RASAL2: variants seen among roughly 807,000 people sequenced by gnomAD.
The protein encoded by RASAL2 is ras GTPase-activating protein nGAP.
A neutral mutation model predicts 128.9 loss-of-function variants in RASAL2; 58 were observed. The ratio of observed to expected loss-of-function variants is 0.45; its 90% CI spans 0.36 to 0.56. The LOEUF is 0.56. Ranked by LOEUF, RASAL2 falls within the 20% of genes least tolerant of loss-of-function variation. The pLI is 0.00. For synonymous variants in RASAL2, 561 were observed against 580.8 expected (o/e 0.97, Z 0.49); for missense variants, 1,360 against 1,601.6 (o/e 0.85, Z 2.57).
intron 3 of RASAL2, among the ~76,000 whole-genome samples, chr1:178,381,700 C>A (rs1255627093): frequency 2.0e-5 from 3 of 151,678 alleles, no homozygotes; most frequent in African/African-American, 7.3e-5. Flanking sequence ...CACTGACTAC[C>A]AAAATGATGG....
intron 1 of RASAL2, among the ~76,000 whole-genome samples, chr1:178,240,006 A>G (rs2102048129): frequency 6.6e-6 from 1 of 152,182 alleles, no homozygotes; most frequent in East Asian, 1.9e-4. Context: ...TTAGCCTATA[A>G]TAAAACATAA....
intron 17 of RASAL2, chr1:178,470,835 G>A: frequency 1.1e-6 from 1 of 869,576 alleles, no homozygotes; most frequent in South Asian, 1.4e-5. Flanking sequence ...AATCCTTCCT[G>A]TCAGGTGTGG....
intron 1 of RASAL2, among the ~76,000 whole-genome samples, chr1:178,266,705 G>C (rs914047593): frequency 6.6e-6 from 1 of 152,204 alleles, no homozygotes; most frequent in South Asian, 2.1e-4. Flanking sequence ...AAACCAGCCA[G>C]GTATATGAAG....
chr1:178,218,116 T>A (rs942914275), intron 1 of RASAL2, among the ~76,000 whole-genome samples: 3 of 151,970 alleles, frequency 2.0e-5, no homozygotes, highest in Admixed American at 1.3e-4. Flanking sequence ...CACTCCTAAT[T>A]CCTATTCTCT....
chr1:178,403,693 A>T lies in RASAL2; in HGVS notation c.564+13487A>T, dbSNP rs1443149305. On this transcript the variant is annotated intron_variant, in intron 4 of 17. Coordinates refer to ENST00000367649, the MANE Select transcript of RASAL2 (RefSeq NM_170692.4). Reference sequence around the variant, plus strand: ...AGAGTAAACTCCAAATGGATTAGGGATCTAAAATGTGAAAAAAAAGCATAC... The same window carrying T: ...AGAGTAAACTCCAAATGGATTAGGGTTCTAAAATGTGAAAAAAAAGCATAC... Among the ~76,000 whole-genome samples, 3 of 152,092 alleles carry T rather than the reference A, an allele frequency of 2.0e-5. No homozygotes were observed. In the East Asian group the frequency reaches 5.8e-4, roughly 29 times the overall value.
intron 1 of RASAL2, among the ~76,000 whole-genome samples, chr1:178,246,244 G>C (rs530487099): frequency 2.0e-5 from 3 of 152,054 alleles, no homozygotes; most frequent in Non-Finnish European, 4.4e-5. Context: ...TTATTTCCTT[G>C]AGCAGTGGTT....
chr1:178,374,987 A>G (rs1482717678), intron 3 of RASAL2, among the ~76,000 whole-genome samples: 8 of 152,166 alleles, frequency 5.3e-5, no homozygotes, highest in Admixed American at 2.0e-4. Flanking sequence ...AACTACGCAC[A>G]AGTTAAATGA....
intron 1 of RASAL2, among the ~76,000 whole-genome samples, chr1:178,204,511 A>G (rs1429261146): frequency 6.6e-6 from 1 of 152,218 alleles, no homozygotes; most frequent in South Asian, 2.1e-4. Flanking sequence ...CTTCTTAGGC[A>G]GCTACACAGA....
At chr1:178,148,889 A>G (rs986728695) in intron 1 of RASAL2, among the ~76,000 whole-genome samples, 7 of 152,106 alleles carry the variant, frequency 4.6e-5, no homozygotes, top group Middle Eastern at 3.2e-3. Flanking sequence ...GTAATTTTGT[A>G]AACTGTTTTG....
intron 5 of RASAL2, among the ~76,000 whole-genome samples, chr1:178,422,177 C>T (rs1410822015): frequency 6.6e-6 from 1 of 151,824 alleles, no homozygotes; most frequent in Non-Finnish European, 1.5e-5. Flanking sequence ...ATGTTACCTT[C>T]TTTATTTCAA....
intron 3 of RASAL2, among the ~76,000 whole-genome samples, chr1:178,362,882 C>A (rs925886142): frequency 1.3e-5 from 2 of 152,142 alleles, no homozygotes; most frequent in African/African-American, 4.8e-5. Flanking sequence ...CATACACACA[C>A]ACCCACATCA....
Position 178,275,491 on chromosome 1 carries a change from A to C in RASAL2, c.203-8073A>C, listed in dbSNP as rs188935322. Among the ~76,000 whole-genome samples, 108 of 152,368 alleles carry C rather than the reference A, an allele frequency of 7.1e-4. 1 individual carries two copies. In the East Asian group the frequency reaches 8.1e-3, roughly 11 times the overall value. ...AGAAGCAAGGTAGAACTATCATAGG[A>C]ATTGTTCCCCATCCTTACCATCTTC... On this transcript the variant is annotated intron_variant, in intron 1 of 17. Coordinates refer to ENST00000367649, the MANE Select transcript of RASAL2 (RefSeq NM_170692.4).
intron 1 of RASAL2, among the ~76,000 whole-genome samples, chr1:178,242,643 T>C (rs188442428): frequency 3.9e-5 from 6 of 152,178 alleles, no homozygotes; most frequent in African/African-American, 1.4e-4. Context: ...TTGCCAAATT[T>C]AGGAAGTTTT....
chr1:178,369,514 C>T lies in RASAL2; in HGVS notation c.458-20586C>T, dbSNP rs147977934. Among the ~76,000 whole-genome samples the T allele has an allele frequency of 2.9e-3, 441 of 151,732 alleles. 2 individuals are homozygous for T. The highest frequency in any genetic ancestry group is 0.01 in the Middle Eastern group (3 of 288). On this transcript the variant is annotated intron_variant, in intron 3 of 17. Transcript: ENST00000367649. ...CTGGGATTACAGGCATGAGCCACAG[C>T]ACCTGGTCTGGGTGCCTCATTTTCT...
chr1:178,251,834 G>A (rs558743032), intron 1 of RASAL2, among the ~76,000 whole-genome samples: 132 of 152,262 alleles, frequency 8.7e-4, no homozygotes, highest in Non-Finnish European at 1.6e-3. Flanking sequence ...TAATGAATTA[G>A]CCTTGTAAAG....
At chr1:178,379,762 A>T (rs1672181746) in intron 3 of RASAL2, among the ~76,000 whole-genome samples, 1 of 152,168 alleles carries the variant, frequency 6.6e-6, no homozygotes, top group Admixed American at 6.5e-5. Flanking sequence ...AGAACAGAAG[A>T]TGTTCTTGCA....
chr1:178,299,018 A>AT (rs989390341), intron 2 of RASAL2, among the ~76,000 whole-genome samples: 12 of 151,562 alleles, frequency 7.9e-5, no homozygotes, highest in East Asian at 7.7e-4. Context: ...AGTATTAGAG[A>AT]TTTTTTTTTA....
At chr1:178,127,281 G>A (rs978005494) in intron 1 of RASAL2, among the ~76,000 whole-genome samples, 4 of 151,992 alleles carry the variant, frequency 2.6e-5, no homozygotes, top group Non-Finnish European at 5.9e-5. Context: ...TCTTGGCTTC[G>A]AATTATTCTT....
chr1:178,363,989 G>T (rs1222733140), intron 3 of RASAL2, among the ~76,000 whole-genome samples: 1 of 151,854 alleles, frequency 6.6e-6, no homozygotes, highest in East Asian at 1.9e-4. Context: ...CCAGCTACTC[G>T]GGAGGCTGAG....
Sources: allele counts gnomAD v4.1 joint callset (sites outside exome capture counted in the v4.1 genomes callset), GRCh38; gene constraint gnomAD v4.1.1; transcripts MANE v1.5; gene names NCBI Gene and HGNC (gene_info 2026-07-23, HGNC 2026-07-21).